Variants in KPNA3 observed in about 807,000 individuals in gnomAD.
KPNA3 encodes the protein importin subunit alpha-4.
A neutral mutation model predicts 73.8 loss-of-function variants in KPNA3; 13 were observed. The ratio of observed to expected loss-of-function variants is 0.18; its 90% CI spans 0.11 to 0.28. The LOEUF is 0.28. Ranked by LOEUF, KPNA3 falls within the 10% of genes least tolerant of loss-of-function variation. KPNA3 has a pLI of 1.00. For missense variants in KPNA3, 360 were observed against 618.1 expected (o/e 0.58, Z 4.43); for synonymous variants, 186 against 206.9 (o/e 0.90, Z 0.87).
chr13:49,713,029 C>T (rs1201164115), intron 10 of KPNA3, among the ~76,000 whole-genome samples: 2 of 148,932 alleles, frequency 1.3e-5, no homozygotes, highest in Non-Finnish European at 1.5e-5. Context: ...CCCAATTCCA[C>T]GCTGTATACA....
At position 49,747,364 on chromosome 13, in the gene KPNA3, GA is replaced by G. The variant is rs111816135; in HGVS notation, c.70-372del. On this transcript the variant is annotated intron_variant, in intron 1 of 16. Coordinates refer to ENST00000261667, the MANE Select transcript of KPNA3 (RefSeq NM_002267.4). ...TGCATCTCAAAAAAAAGAAGAAGAA[GA>G]AAAAAAAAAACTCAGGTATTTGAGT... 8.1e-3 allele frequency among the ~76,000 whole-genome samples: 1,148 copies of G among 141,510 alleles called. 10 individuals carry two copies. The highest frequency in any genetic ancestry group is 0.023 in the Middle Eastern group (6 of 258). The allele number at this position is 141,510 out of a possible 152,430, so 92.8% of individuals were successfully genotyped here. A position where few individuals can be genotyped will look rare whatever the true frequency, so the allele number is the denominator to read the frequency against.
chr13:49,784,564 A>G (rs1219901293), intron 1 of KPNA3, among the ~76,000 whole-genome samples: 1 of 152,228 alleles, frequency 6.6e-6, no homozygotes, highest in African/African-American at 2.4e-5. Flanking sequence ...TGGTATATAC[A>G]TACAATAGAA....
chr13:49,750,752 G>A (rs975700050), intron 1 of KPNA3, among the ~76,000 whole-genome samples: 1 of 152,196 alleles, frequency 6.6e-6, no homozygotes, highest in African/African-American at 2.4e-5. Flanking sequence ...AGAACTTTGG[G>A]AGGCCAAGGC....
chr13:49,730,341 T>A (rs1030309897), intron 6 of KPNA3, among the ~76,000 whole-genome samples: 21 of 151,756 alleles, frequency 1.4e-4, no homozygotes, highest in African/African-American at 4.8e-4. Context: ...AAGACCAGCC[T>A]GGCCAACATG....
In KPNA3 at chr13:49,721,935, C is replaced by T. The variant is rs759094849; in HGVS notation, c.726+20G>A. The T allele has an allele frequency of 2.7e-6, 4 of 1,490,562 alleles. No homozygotes were observed. In the South Asian group the frequency reaches 4.3e-5, roughly 16 times the overall value. The allele number at this position is 1,490,562 out of a possible 1,614,324, so 92.3% of individuals were successfully genotyped here. On this transcript the variant is annotated intron_variant, in intron 9 of 16. Transcript: ENST00000261667. ...ACATAGGGAAAATATACCATCTGGC[C>T]TTTACAATTCTTCATTTACCTCCTG...
chr13:49,758,409 C>T (rs928473441), intron 1 of KPNA3, among the ~76,000 whole-genome samples: 1 of 151,992 alleles, frequency 6.6e-6, no homozygotes. Flanking sequence ...GCAATTTAAC[C>T]CTGCATCTCC....
rs183191223 is a variant in KPNA3, at chr13:49,767,014, T to A, written c.70-20021A>T. On this transcript the variant is annotated intron_variant, in intron 1 of 16. Coordinates refer to ENST00000261667, the MANE Select transcript of KPNA3 (RefSeq NM_002267.4). ...AAGTTAGGATTTTTTTTTTTTTTTT[T>A]ATAATTTTAAGTTCTGACTGAAAGT... Among the ~76,000 whole-genome samples, 287 of 146,032 alleles carry A rather than the reference T, an allele frequency of 2.0e-3. 2 individuals are homozygous for A. In the South Asian group the frequency reaches 0.026, roughly 13 times the overall value.
chr13:49,704,645 C>T (rs1004869793), intron 15 of KPNA3, among the ~76,000 whole-genome samples: 7 of 151,898 alleles, frequency 4.6e-5, no homozygotes, highest in Non-Finnish European at 8.8e-5. Context: ...AAGGTTTAAA[C>T]ATGTTAGTAC....
chr13:49,734,918 C>A (rs201718829), intron 2 of KPNA3, among the ~76,000 whole-genome samples: 3 of 120,312 alleles, frequency 2.5e-5, no homozygotes, highest in African/African-American at 9.1e-5. Flanking sequence ...TATATATACA[C>A]ACACATATAT....
intron 1 of KPNA3, among the ~76,000 whole-genome samples, chr13:49,775,449 T>A (rs936084419): frequency 3.9e-5 from 6 of 152,146 alleles, no homozygotes; most frequent in African/African-American, 1.4e-4. Flanking sequence ...CAGGCTCTCA[T>A]GCTAATACCC....
At chr13:49,744,574 T>G (rs897782840) in intron 2 of KPNA3, among the ~76,000 whole-genome samples, 1 of 152,198 alleles carries the variant, frequency 6.6e-6, no homozygotes, top group African/African-American at 2.4e-5. Context: ...CTGGACTAAT[T>G]ACATAGAAAA....
At position 49,756,282 on chromosome 13, in the gene KPNA3, C is replaced by A. The variant is rs1366663374; in HGVS notation, c.70-9289G>T. 5.9e-5 allele frequency among the ~76,000 whole-genome samples: 9 copies of A among 152,084 alleles called. No homozygotes were observed. In the East Asian group the frequency reaches 1.2e-3, roughly 20 times the overall value. On this transcript the variant is annotated intron_variant, in intron 1 of 16. Coordinates refer to ENST00000261667, the MANE Select transcript of KPNA3 (RefSeq NM_002267.4). ...GAGATAGACCCTGCCTCAAAACAAA[C>A]AAACAATGCTGGATGATGGCTCAAG...
intron 1 of KPNA3, among the ~76,000 whole-genome samples, chr13:49,762,037 G>A (rs1488599730): frequency 6.6e-6 from 1 of 151,060 alleles, no homozygotes; most frequent in African/African-American, 2.4e-5. Flanking sequence ...GAGCCCCTCC[G>A]CCCGGCAGCC....
Position 49,720,345 on chromosome 13 carries a change from C to G in KPNA3, c.727-526G>C, listed in dbSNP as rs946361001. Among the ~76,000 whole-genome samples, 5 of 152,106 alleles carry G rather than the reference C, an allele frequency of 3.3e-5. No individual in the cohort carries two copies. In the East Asian group the frequency reaches 5.8e-4, roughly 18 times the overall value. On this transcript the variant is annotated intron_variant, in intron 9 of 16. Coordinates refer to ENST00000261667, the MANE Select transcript of KPNA3 (RefSeq NM_002267.4). Reference sequence around the variant, plus strand: ...AAGCTTTGCTTGTTAAATTCAGGCCCCAGAGATCTCTTTTTAAAATATGGG... The same window carrying G: ...AAGCTTTGCTTGTTAAATTCAGGCCGCAGAGATCTCTTTTTAAAATATGGG...
intron 1 of KPNA3, among the ~76,000 whole-genome samples, chr13:49,773,001 G>T (rs967862028): frequency 6.6e-6 from 1 of 152,084 alleles, no homozygotes; most frequent in Non-Finnish European, 1.5e-5. Context: ...GTAGGTAAAT[G>T]GCCTACTGTT....
At chr13:49,789,408 T>C (rs1236211838) in intron 1 of KPNA3, among the ~76,000 whole-genome samples, 1 of 152,220 alleles carries the variant, frequency 6.6e-6, no homozygotes, top group Non-Finnish European at 1.5e-5. Context: ...AGAAATTTTC[T>C]TCCTCAACCC....
intron 2 of KPNA3, among the ~76,000 whole-genome samples, chr13:49,741,135 A>G (rs1954570128): frequency 6.6e-6 from 1 of 152,012 alleles, no homozygotes; most frequent in Non-Finnish European, 1.5e-5. Context: ...TACTGGCTTC[A>G]TTTTTCCTTT....
intron 10 of KPNA3, among the ~76,000 whole-genome samples, chr13:49,711,959 A>C (rs1200659807): frequency 6.6e-6 from 1 of 152,250 alleles, no homozygotes; most frequent in Non-Finnish European, 1.5e-5. Context: ...AGAAAAAATT[A>C]AATTCTAGCT....
chr13:49,752,751 G>A (rs1954674143), intron 1 of KPNA3, among the ~76,000 whole-genome samples: 2 of 152,052 alleles, frequency 1.3e-5, no homozygotes, highest in Non-Finnish European at 2.9e-5. Context: ...CAGAAGGGCT[G>A]GGCACGGTGG....
Sources: gnomAD v4.1 joint callset for allele counts (sites outside exome capture counted in the v4.1 genomes callset) on GRCh38, gnomAD v4.1.1 for gene constraint, MANE v1.5 for transcripts, NCBI Gene and HGNC (gene_info 2026-07-23, HGNC 2026-07-21) for gene names.